Variants in TUBGCP3 observed in about 807,000 individuals in gnomAD.
TUBGCP3 encodes gamma-tubulin complex component 3.
TUBGCP3 carries 50 observed loss-of-function variants against 123.1 expected under a neutral mutation model. The observed-to-expected ratio is 0.41, with a 90% CI of 0.32 to 0.51. TUBGCP3 has a LOEUF of 0.51. Among genes scored for constraint, TUBGCP3 ranks in the 20% least tolerant of loss-of-function variants. The pLI, the probability that TUBGCP3 is intolerant of heterozygous loss-of-function variation, is 0.36. For synonymous variants in TUBGCP3, 405 were observed against 413.9 expected (o/e 0.98, Z 0.26); for missense variants, 882 against 1,127.0 (o/e 0.78, Z 3.11).
chr13:112,497,641 C>T (rs373725830), intron 20 of TUBGCP3, among the ~76,000 whole-genome samples: 10 of 152,200 alleles, frequency 6.6e-5, no homozygotes, highest in Non-Finnish European at 1.2e-4. Context: ...ATGTGAACAT[C>T]GCTGAGTGCC....
chr13:112,591,674 G>A (rs1421794128), upstream of TUBGCP3, among the ~76,000 whole-genome samples: 1 of 152,198 alleles, frequency 6.6e-6, no homozygotes, highest in Non-Finnish European at 1.5e-5. Context: ...GTGTTTCTCA[G>A]GACAGTCATT....
Position 112,486,097 on chromosome 13 carries a change from G to T in TUBGCP3, c.2620C>A (p.Arg874=), listed in dbSNP as rs1463799818. 1 of 1,610,484 alleles carries T rather than the reference G, an allele frequency of 6.2e-7. No individual in the cohort carries two copies. Among genetic ancestry groups the T allele is most frequent in the Admixed American group, 1.7e-5 (1 of 59,810 alleles). ...LLTTSSDESL[R]FLSFRLDFNE... Reference sequence around the variant, plus strand: ...AAGTCCAGCCTGAAGCTAAGAAACCGAAGACTCTCGTCAGAGCTGGTCGTC... The same window carrying T: ...AAGTCCAGCCTGAAGCTAAGAAACCTAAGACTCTCGTCAGAGCTGGTCGTC... The change falls in exon 22 of 22, where the codon CGG becomes AGG. Residue 874 remains arginine (R), a synonymous_variant. Transcript: ENST00000261965.
At chr13:112,587,650 C>T (rs1158884719) in intron 1 of TUBGCP3, among the ~76,000 whole-genome samples, 1 of 152,128 alleles carries the variant, frequency 6.6e-6, no homozygotes, top group Non-Finnish European at 1.5e-5. Flanking sequence ...CCGGCGTTCT[C>T]GCCCCGGCCT....
intron 3 of TUBGCP3, among the ~76,000 whole-genome samples, chr13:112,563,652 A>T (rs988833611): frequency 6.0e-5 from 9 of 150,922 alleles, no homozygotes; most frequent in Admixed American, 4.6e-4. Context: ...TCACGAAGTC[A>T]GGAGATCGAG....
intron 4 of TUBGCP3, among the ~76,000 whole-genome samples, chr13:112,558,626 C>T (rs771444563): frequency 3.9e-5 from 6 of 152,186 alleles, no homozygotes; most frequent in African/African-American, 1.2e-4. Flanking sequence ...ACAACCACTA[C>T]ATCATCTGAT....
intron 20 of TUBGCP3, among the ~76,000 whole-genome samples, chr13:112,493,291 T>C (rs892937102): frequency 6.7e-6 from 1 of 149,972 alleles, no homozygotes; most frequent in Non-Finnish European, 1.5e-5. Flanking sequence ...GAACGAGGCC[T>C]GGTGTCCCTG....
intron 20 of TUBGCP3, among the ~76,000 whole-genome samples, chr13:112,494,861 A>G (rs1880421901): frequency 6.6e-6 from 1 of 152,166 alleles, no homozygotes; most frequent in Non-Finnish European, 1.5e-5. Context: ...TGCCATTTGC[A>G]TTGTCTTCTT....
chr13:112,603,266 T>G, the TUBGCP3 span: 1 of 152,218 alleles, frequency 6.6e-6, no homozygotes, highest in Admixed American at 6.5e-5. Context: ...AAGTTATCTT[T>G]GCAGTTTCCC....
At chr13:112,563,744 G>A (rs1283440014) in intron 3 of TUBGCP3, among the ~76,000 whole-genome samples, 5 of 151,500 alleles carry the variant, frequency 3.3e-5, no homozygotes, top group East Asian at 1.9e-4. Context: ...GCGTGTTGGC[G>A]GGCGCCTGTA....
chr13:112,545,646 T>G lies in TUBGCP3; in HGVS notation c.1335+53A>C, dbSNP rs531033003. ...GAGGGGAAAAATGAAACAGCATAAC[T>G]GCGTGCCCATGCTTTTTAAATCCAA... On this transcript the variant is annotated intron_variant, in intron 11 of 21. Coordinates refer to ENST00000261965, the MANE Select transcript of TUBGCP3 (RefSeq NM_006322.6). The surrounding 1 kb of genome is among the most constrained non-coding windows in gnomAD (Gnocchi z 4.1). The G allele has an allele frequency of 3.8e-6, 6 of 1,592,728 alleles. No individual in the cohort carries two copies. The highest frequency in any genetic ancestry group is 1.3e-5 in the African/African-American group (1 of 74,534).
chr13:112,551,335 T>TA (rs1879572998), intron 8 of TUBGCP3, among the ~76,000 whole-genome samples: 1 of 152,140 alleles, frequency 6.6e-6, no homozygotes, highest in South Asian at 2.1e-4. Flanking sequence ...GTTTCACACT[T>TA]ACAAAACAGT....
At chr13:112,561,422 G>A (rs997654511) in intron 3 of TUBGCP3, among the ~76,000 whole-genome samples, 3 of 152,224 alleles carry the variant, frequency 2.0e-5, no homozygotes, top group Admixed American at 2.0e-4. Flanking sequence ...AGAGAACAAA[G>A]GACAGCAAAT....
intron 10 of TUBGCP3, chr13:112,547,060 GA>G: frequency 5.6e-6 from 1 of 178,340 alleles, no homozygotes; most frequent in Non-Finnish European, 1.2e-5. Flanking sequence ...CAAACAATGA[GA>G]AAAAATGTCA....
intron 6 of TUBGCP3, among the ~76,000 whole-genome samples, 165 bp downstream of exon 6, chr13:112,555,887 T>C (rs1462942357): frequency 6.6e-6 from 1 of 151,754 alleles, no homozygotes; most frequent in Non-Finnish European, 1.5e-5. Flanking sequence ...AAAGCCAAAC[T>C]CCCCAAGGCG....
At chr13:112,561,793 C>T (rs561537149) in intron 3 of TUBGCP3, among the ~76,000 whole-genome samples, 1 of 152,064 alleles carries the variant, frequency 6.6e-6, no homozygotes, top group South Asian at 2.1e-4. Context: ...ACTAAGAAAC[C>T]GCTAGGTTAA....
chr13:112,486,334 C>A (rs931798758), intron 21 of TUBGCP3, among the ~76,000 whole-genome samples, 183 bp from the exon 22 acceptor site: 4 of 152,200 alleles, frequency 2.6e-5, no homozygotes, highest in Non-Finnish European at 5.9e-5. Context: ...GGAGTGCACA[C>A]GGCCAGTGCA....
At chr13:112,551,373 A>G in intron 8 of TUBGCP3, among the ~76,000 whole-genome samples, 1 of 147,544 alleles carries the variant, frequency 6.8e-6, no homozygotes, top group African/African-American at 2.4e-5. Flanking sequence ...ATTTTGCTCC[A>G]TTTGGTATGT....
chr13:112,495,140 A>C lies in TUBGCP3; in HGVS notation c.2448+3905T>G, dbSNP rs146173495. Among the ~76,000 whole-genome samples the C allele has an allele frequency of 4.9e-3, 749 of 152,288 alleles. 8 individuals are homozygous for C. The highest frequency in any genetic ancestry group is 0.017 in the African/African-American group (718 of 41,560). On this transcript the variant is annotated intron_variant, in intron 20 of 21. Transcript: ENST00000261965. ...GTATTACTCAAGACATTTTGCCCAG[A>C]CCAATGTCCTAGAGTTTCCCCCCAG...
intron 19 of TUBGCP3, among the ~76,000 whole-genome samples, chr13:112,503,357 T>TTTG (rs887399929): frequency 5.9e-5 from 9 of 152,198 alleles, no homozygotes; most frequent in South Asian, 4.2e-4. Flanking sequence ...ACCATGGTTT[T>TTTG]TTGTTGTTGT....
Sources: gnomAD v4.1 joint callset for allele counts (sites outside exome capture counted in the v4.1 genomes callset) on GRCh38, gnomAD v4.1.1 for gene constraint, Gnocchi (gnomAD v3.1) non-coding constraint, MANE v1.5 for transcripts, NCBI Gene and HGNC (gene_info 2026-07-23, HGNC 2026-07-21) for gene names.